The following TRAPPC9 variants were observed in gnomAD, a reference collection of about 807,000 sequenced individuals.
TRAPPC9 encodes trafficking protein particle complex subunit 9, also known as IKK2 binding protein.
In TRAPPC9, 83 loss-of-function variants were observed where a neutral mutation model predicts 124.0. That is an observed-to-expected ratio of 0.67 (90% CI 0.56 to 0.80). The LOEUF (loss-of-function observed/expected upper bound fraction) is 0.80. Among genes scored for constraint, TRAPPC9 ranks in the 30% least tolerant of loss-of-function variants. The probability of loss-of-function intolerance (pLI) is 0.00; values close to 1 mark genes in which losing one functional copy is unlikely to be tolerated. For synonymous variants in TRAPPC9, 638 were observed against 617.5 expected (o/e 1.03, Z -0.49); for missense variants, 1,302 against 1,508.3 (o/e 0.86, Z 2.27).
intron 21 of TRAPPC9, among the ~76,000 whole-genome samples, chr8:139,796,522 C>G (rs1823107945): frequency 6.6e-6 from 1 of 152,246 alleles, no homozygotes; most frequent in Non-Finnish European, 1.5e-5. Context: ...CCTTCTGTGC[C>G]TGGCGTTTTT....
At chr8:139,754,074 A>G (rs1819537223) in intron 21 of TRAPPC9, among the ~76,000 whole-genome samples, 1 of 152,226 alleles carries the variant, frequency 6.6e-6, no homozygotes, top group Non-Finnish European at 1.5e-5. Context: ...GTGTGTTCTT[A>G]GCTCAGGCTG....
At chr8:140,296,572 T>G (rs1235611323) in intron 11 of TRAPPC9, among the ~76,000 whole-genome samples, 1 of 152,196 alleles carries the variant, frequency 6.6e-6, no homozygotes, top group Non-Finnish European at 1.5e-5. Context: ...GGCCAACAAT[T>G]TCTTAAGATT....
chr8:140,032,859 G>A (rs1840589471), intron 17 of TRAPPC9, among the ~76,000 whole-genome samples: 1 of 152,204 alleles, frequency 6.6e-6, no homozygotes, highest in Non-Finnish European at 1.5e-5. Context: ...CCATGCTTGA[G>A]AGAGCACTTC....
At chr8:140,259,423 G>C (rs2064347713) in intron 15 of TRAPPC9, among the ~76,000 whole-genome samples, 1 of 152,134 alleles carries the variant, frequency 6.6e-6, no homozygotes. Flanking sequence ...TCACCACCTT[G>C]GGAGGCAGGG....
chr8:140,001,276 A>T (rs1838380232), intron 18 of TRAPPC9, among the ~76,000 whole-genome samples: 1 of 152,098 alleles, frequency 6.6e-6, no homozygotes, highest in African/African-American at 2.4e-5. Context: ...CATTAGGAGA[A>T]ATACCTAATG....
At chr8:140,336,706 T>C (rs1461957690) in intron 9 of TRAPPC9, among the ~76,000 whole-genome samples, 2 of 152,222 alleles carry the variant, frequency 1.3e-5, no homozygotes, top group Non-Finnish European at 2.9e-5. Flanking sequence ...TGACATTTTC[T>C]ATCTCATCCA....
intron 2 of TRAPPC9, among the ~76,000 whole-genome samples, chr8:140,446,049 T>C (rs888131501): frequency 6.6e-6 from 1 of 152,128 alleles, no homozygotes; most frequent in African/African-American, 2.4e-5. Flanking sequence ...TCCCAGCACT[T>C]TGGGAGGCCA....
chr8:139,730,845 G>A lies in TRAPPC9; in HGVS notation c.*216C>T. 1.7e-6 allele frequency: 1 copy of A among 599,960 alleles called. No homozygotes were observed. Among genetic ancestry groups the A allele is most frequent in the Non-Finnish European group, 3.0e-6 (1 of 338,842 alleles). The allele number at this position is 599,960 out of a possible 1,614,324, so 37.2% of individuals were successfully genotyped here. A position where few individuals can be genotyped will look rare whatever the true frequency, so the allele number is the denominator to read the frequency against. On this transcript the variant is annotated 3_prime_UTR_variant, in exon 23 of 23. Coordinates refer to ENST00000438773, the MANE Select transcript of TRAPPC9 (RefSeq NM_001160372.4). ...TGTGTATGGTCCAGGGAACAGTGTAGGAAGGGGCGTGGCATGGGGTGGGGC... is the reference window on the plus strand; with the variant it reads ...TGTGTATGGTCCAGGGAACAGTGTAAGAAGGGGCGTGGCATGGGGTGGGGC...
intron 9 of TRAPPC9, among the ~76,000 whole-genome samples, chr8:140,343,203 T>C (rs2067241580): frequency 6.6e-6 from 1 of 152,052 alleles, no homozygotes; most frequent in Non-Finnish European, 1.5e-5. Context: ...CAGCATGGGG[T>C]AGGAAATGGA....
chr8:140,154,862 A>G (rs2061602332), intron 17 of TRAPPC9, among the ~76,000 whole-genome samples: 1 of 152,238 alleles, frequency 6.6e-6, no homozygotes, highest in Non-Finnish European at 1.5e-5. Flanking sequence ...GGCACTCAAT[A>G]AAGTATTTGT....
intron 21 of TRAPPC9, among the ~76,000 whole-genome samples, chr8:139,736,629 C>T (rs1044437712): frequency 2.0e-5 from 3 of 152,032 alleles, no homozygotes; most frequent in Non-Finnish European, 4.4e-5. Context: ...CCCCTGGGAC[C>T]CCCAGGGTAC....
At chr8:139,935,553 A>G (rs1335269897) in intron 19 of TRAPPC9, among the ~76,000 whole-genome samples, 1 of 152,156 alleles carries the variant, frequency 6.6e-6, no homozygotes, top group East Asian at 1.9e-4. Flanking sequence ...AAAAGAGAGA[A>G]GAGGATGGTA....
chr8:140,034,677 C>T (rs551551250), intron 17 of TRAPPC9, among the ~76,000 whole-genome samples: 14 of 152,368 alleles, frequency 9.2e-5, no homozygotes, highest in South Asian at 2.1e-4. Context: ...ATTCAGTAGG[C>T]TCATACTGTG....
chr8:140,188,773 T>C (rs1218231612), intron 17 of TRAPPC9, among the ~76,000 whole-genome samples: 2 of 152,184 alleles, frequency 1.3e-5, no homozygotes, highest in Non-Finnish European at 2.9e-5. Context: ...TCCTCTTCTC[T>C]CTTGATTCAT....
rs763206060 is a variant in TRAPPC9, at chr8:140,397,697, G to T, written c.1057C>A (p.Arg353Ser). The T allele has an allele frequency of 1.2e-6, 2 of 1,614,116 alleles. No homozygotes were observed. The highest frequency in any genetic ancestry group is 1.7e-6 in the Non-Finnish European group (2 of 1,180,026). Reference protein sequence around the residue: ...IELEACIKAVRVLAIQKRSME... With the variant: ...IELEACIKAVSVLAIQKRSME... Reference sequence around the variant, plus strand: ...CTCCGTTTCTGAATTGCAAGGACACGTACAGCCTTGATGCACGCTTCCAAC... The same window carrying T: ...CTCCGTTTCTGAATTGCAAGGACACTTACAGCCTTGATGCACGCTTCCAAC... The change falls in exon 7 of 23, where the codon CGT becomes AGT. Residue 353 changes from arginine to serine, a missense_variant. Arg to Ser is a moderately radical substitution (Grantham distance 110, BLOSUM62 -1). Around this residue, in one of 3 missense-constraint regions of TRAPPC9, gnomAD observed 657 missense variants for 811.2 expected, o/e 0.81. Transcript: ENST00000438773.
chr8:140,454,154 T>C (rs924290980), intron 1 of TRAPPC9, among the ~76,000 whole-genome samples: 2 of 151,538 alleles, frequency 1.3e-5, no homozygotes, highest in Non-Finnish European at 2.9e-5. Context: ...CCAGGAGTGG[T>C]AGCACACACC....
chr8:140,215,867 T>A (rs2063179552), intron 17 of TRAPPC9: 1 of 152,232 alleles, frequency 6.6e-6, no homozygotes, highest in Admixed American at 6.5e-5. Flanking sequence ...GTTCCCACGC[T>A]AAAGCCGTGG....
chr8:140,331,344 G>A (rs2066889869), intron 9 of TRAPPC9, among the ~76,000 whole-genome samples: 1 of 152,020 alleles, frequency 6.6e-6, no homozygotes, highest in African/African-American at 2.4e-5. Context: ...AGACTTAAAT[G>A]TAAAAACCAA....
At chr8:140,300,192 T>C (rs918751778) in intron 11 of TRAPPC9, among the ~76,000 whole-genome samples, 11 of 152,154 alleles carry the variant, frequency 7.2e-5, no homozygotes, top group African/African-American at 2.7e-4. Flanking sequence ...CGCACACATC[T>C]GTGCACACAT....
Sources: gnomAD v4.1 joint callset for allele counts (sites outside exome capture counted in the v4.1 genomes callset) on GRCh38, gnomAD v4.1.1 for gene constraint, gnomAD v4.1.1 regional missense constraint, MANE v1.5 for transcripts, NCBI Gene and HGNC (gene_info 2026-07-23, HGNC 2026-07-21) for gene names.